PRDM15: variants seen among roughly 807,000 people sequenced by gnomAD.
PRDM15 encodes the protein PR domain zinc finger protein 15.
In PRDM15, 64 loss-of-function variants were observed where a neutral mutation model predicts 128.6. The ratio of observed to expected loss-of-function variants is 0.50; its 90% CI spans 0.41 to 0.61. The LOEUF (loss-of-function observed/expected upper bound fraction) is 0.61, where lower values mean the gene tolerates loss of function less well. Ranked by LOEUF, PRDM15 falls within the 20% of genes least tolerant of loss-of-function variation. The pLI, the probability that PRDM15 is intolerant of heterozygous loss-of-function variation, is 0.00. For synonymous variants in PRDM15, 615 were observed against 621.8 expected (o/e 0.99, Z 0.16); for missense variants, 1,242 against 1,569.1 (o/e 0.79, Z 3.52).
intron 1 of PRDM15, chr21:41,861,535 C>CA (rs540928980): frequency 6.7e-6 from 9 of 1,347,206 alleles, no homozygotes; most frequent in South Asian, 2.6e-5. Context: ...TCCTCCTCTG[C>CA]CCCCCCCCAA....
chr21:41,810,012 G>A lies in PRDM15; in HGVS notation c.2652+142C>T, dbSNP rs1448809309. ...CAGTGCCTCCTGTGTGGCAGGCAGT[G>A]CCAGTCACAGACGCACCTAAGACTC... On this transcript the variant is annotated intron_variant, in intron 21 of 23. Transcript: ENST00000398548. The surrounding 1 kb of genome is among the most constrained non-coding windows in gnomAD (Gnocchi z 6.4). 4 of 774,244 alleles carry A rather than the reference G, an allele frequency of 5.2e-6. No homozygotes were observed. The Admixed American group carries it at 8.4e-5, about 16-fold the overall frequency. The allele number at this position is 774,244 out of a possible 1,614,324, so 48.0% of individuals were successfully genotyped here.
intron 19 of PRDM15, chr21:41,812,517 A>G (rs774232455): frequency 6.6e-6 from 1 of 151,998 alleles, no homozygotes; most frequent in Non-Finnish European, 1.5e-5. Flanking sequence ...CTCCCAGGAC[A>G]GTCTGTGGAA....
chr21:41,822,314 C>G (rs1010946373), intron 14 of PRDM15, among the ~76,000 whole-genome samples: 1 of 152,264 alleles, frequency 6.6e-6, no homozygotes, highest in Non-Finnish European at 1.5e-5. Context: ...CAGGGCCAGG[C>G]ACTGCTGGGA....
chr21:41,804,528 G>A lies in PRDM15; in HGVS notation c.2733+6C>T, dbSNP rs1322655596. 3.2e-6 allele frequency: 5 copies of A among 1,560,958 alleles called. No homozygotes were observed. The South Asian group carries it at 4.7e-5, about 15-fold the overall frequency. ...TTCTGAGCCCCTGGGGCCCCATGCT[G>A]CTCACCTGGACGATGCCAATGGAGG... On this transcript the variant is annotated splice_donor_region_variant and intron_variant, in intron 22 of 23. Coordinates refer to ENST00000398548, the MANE Select transcript of PRDM15 (RefSeq NM_001040424.3).
intron 4 of PRDM15, among the ~76,000 whole-genome samples, chr21:41,856,640 C>A (rs1293478945): frequency 6.6e-6 from 1 of 152,166 alleles, no homozygotes; most frequent in Non-Finnish European, 1.5e-5. Flanking sequence ...GCCTGCCTTG[C>A]AATTTACATA....
chr21:41,876,079 G>A (rs13049896), intron 1 of PRDM15, among the ~76,000 whole-genome samples: 9,056 of 152,168 alleles, frequency 0.06, 391 homozygotes, highest in Middle Eastern at 0.099. Flanking sequence ...ACATAGAAAA[G>A]GTAACGTAAA....
In PRDM15 at chr21:41,810,572, C is replaced by T. The variant is rs2061832791; in HGVS notation, c.2476+181G>A. ...ATATGAGAAAATTCAAGAAGGGATA[C>T]TTGAAAGCTGTGGCGGGTTGACCTT... On this transcript the variant is annotated intron_variant, in intron 20 of 23. Coordinates refer to ENST00000398548, the MANE Select transcript of PRDM15 (RefSeq NM_001040424.3). This position sits in a 1 kb window ranked among gnomAD's most constrained non-coding sequence, Gnocchi z 6.4. 2 of 647,286 alleles carry T rather than the reference C, an allele frequency of 3.1e-6. No individual in the cohort carries two copies. Among genetic ancestry groups the T allele is most frequent in the Non-Finnish European group, 5.3e-6 (2 of 376,248 alleles). 40.1% of individuals were successfully genotyped at this position (647,286 alleles called of 1,614,324 possible).
chr21:41,837,834 G>T, intron 8 of PRDM15, 100 bp downstream of exon 8: 1 of 1,340,256 alleles, frequency 7.5e-7, no homozygotes, highest in Non-Finnish European at 1.1e-6. Context: ...CTCCTTCCCT[G>T]GGGCTTTCCT....
chr21:41,867,145 CCTCA>C (rs3833356), intron 1 of PRDM15, among the ~76,000 whole-genome samples: 34,000 of 151,956 alleles, frequency 0.22, 3,985 homozygotes, highest in East Asian at 0.32. Flanking sequence ...AGCCCAGAAA[CCTCA>C]CTGACTATCT....
At chr21:41,844,529 C>T (rs534800031) in intron 6 of PRDM15, among the ~76,000 whole-genome samples, 1 of 45,880 alleles carries the variant, frequency 2.2e-5, no homozygotes, top group Non-Finnish European at 4.4e-5. Context: ...ACAGCCCCTC[C>T]CCCCTCACAG....
At chr21:41,819,931 G>A in intron 17 of PRDM15, 164 bp downstream of exon 17, 6 of 778,682 alleles carry the variant, frequency 7.7e-6, no homozygotes, top group Non-Finnish European at 1.2e-5. Flanking sequence ...TGGGCTGTGA[G>A]TGGCAGGGCT....
At chr21:41,860,652 A>G (rs1601436911) in intron 1 of PRDM15, among the ~76,000 whole-genome samples, 1 of 152,194 alleles carries the variant, frequency 6.6e-6, no homozygotes, top group African/African-American at 2.4e-5. Context: ...CGATCTCTTG[A>G]CCTTGTGATC....
At chr21:41,803,019 C>A in intron 22 of PRDM15, 98 bp from the exon 23 acceptor site, 1 of 912,098 alleles carries the variant, frequency 1.1e-6, no homozygotes, top group Non-Finnish European at 1.8e-6. Context: ...ACTCTCCAAT[C>A]AGTGGGGACG....
chr21:41,871,854 G>A (rs914871085), intron 1 of PRDM15: 8 of 458,986 alleles, frequency 1.7e-5, no homozygotes, highest in African/African-American at 5.9e-5. Flanking sequence ...CGGCCCTGCC[G>A]AGTACAGTCT....
At position 41,854,695 on chromosome 21, in the gene PRDM15, C is replaced by T. The variant is rs371639851; in HGVS notation, c.409G>A (p.Gly137Ser). 8 of 1,613,470 alleles carry T rather than the reference C, an allele frequency of 5.0e-6. No individual in the cohort carries two copies. The highest frequency in any genetic ancestry group is 1.6e-4 in the Middle Eastern group (1 of 6,082). The stretch of plus-strand genomic sequence containing the variant: ...GAGGTGGTGAAGTACACGTCGCTGC[C>T]GTGCTGGTAGGCCGTCAGGTTCTGG... ...EHQNLTAYQH[G>S]SDVYFTTSRD... Residue 137 changes from glycine to serine, a missense_variant, in exon 5 of 24, where the codon GGC (glycine) becomes AGC (serine). Transcript: ENST00000398548. This position sits in a 1 kb window ranked among gnomAD's most constrained non-coding sequence, Gnocchi z 4.6.
chr21:41,835,584 C>A lies in PRDM15; in HGVS notation c.1279-60G>T. The A allele has an allele frequency of 4.9e-6, 7 of 1,439,998 alleles. No individual in the cohort carries two copies. In the South Asian group the frequency reaches 8.0e-5, roughly 16 times the overall value. The allele number at this position is 1,439,998 out of a possible 1,614,324, so 89.2% of individuals were successfully genotyped here. A position where few individuals can be genotyped will look rare whatever the true frequency, so the allele number is the denominator to read the frequency against. ...CAGCGCAGAGTCCACAGATGCCGAG[C>A]CCCCGACGTGCTGCCCGGGCGACTC... On this transcript the variant is annotated intron_variant, in intron 10 of 23. Coordinates refer to ENST00000398548, the MANE Select transcript of PRDM15 (RefSeq NM_001040424.3).
intron 6 of PRDM15, 51 bp from the exon 7 acceptor site, chr21:41,839,904 C>G (rs1383809979): frequency 2.7e-6 from 4 of 1,484,690 alleles, no homozygotes; most frequent in African/African-American, 1.4e-5. Context: ...CTGCCACCGT[C>G]CACACCCACC....
At chr21:41,839,579 G>A (rs773694941) in intron 7 of PRDM15, 44 bp downstream of exon 7, 2 of 1,570,734 alleles carry the variant, frequency 1.3e-6, no homozygotes, top group African/African-American at 2.7e-5. Context: ...CGCCAGGAGG[G>A]CTGCGCCCCA....
chr21:41,855,261 T>C (rs1601404823), intron 4 of PRDM15, among the ~76,000 whole-genome samples: 1 of 152,242 alleles, frequency 6.6e-6, no homozygotes, highest in East Asian at 1.9e-4. Context: ...TGGGACACAG[T>C]TCTACTCCCA....
Sources: allele counts gnomAD v4.1 joint callset (sites outside exome capture counted in the v4.1 genomes callset), GRCh38; gene constraint gnomAD v4.1.1; non-coding constraint Gnocchi (gnomAD v3.1); transcripts MANE v1.5; gene names NCBI Gene and HGNC (gene_info 2026-07-23, HGNC 2026-07-21).